Variants in CASD1 observed in about 807,000 individuals in gnomAD.
CASD1 encodes the protein CAS1 domain sialic acid O acetyltransferase 1.
CASD1 carries 41 observed loss-of-function variants against 100.0 expected under a neutral mutation model. The ratio of observed to expected loss-of-function variants is 0.41; its 90% confidence interval spans 0.32 to 0.53. The LOEUF (loss-of-function observed/expected upper bound fraction) is 0.53, where lower values mean the gene tolerates loss of function less well. Among genes scored for constraint, CASD1 ranks in the 20% least tolerant of loss-of-function variants. The pLI is 0.25. For synonymous variants in CASD1, 321 were observed against 315.6 expected (o/e 1.02, Z -0.18); for missense variants, 774 against 948.7 (o/e 0.82, Z 2.42).
In CASD1 at chr7:94,509,973, G is replaced by T; in HGVS notation, c.-112G>T. 1 of 1,233,072 alleles carries T rather than the reference G, an allele frequency of 8.1e-7. No homozygotes were observed. Among genetic ancestry groups the T allele is most frequent in the Non-Finnish European group, 1.0e-6 (1 of 979,060 alleles). 76.4% of individuals were successfully genotyped at this position (1,233,072 alleles called of 1,614,324 possible). On this transcript the variant is annotated 5_prime_UTR_variant, in exon 1 of 18. Coordinates refer to ENST00000297273, the MANE Select transcript of CASD1 (RefSeq NM_022900.5). ...CGGCGGGAGGCGCAGGTGGCGGCCTGGGGAGCTGGCGGCCGCTCCTCGCCT... is the reference window on the plus strand; with the variant it reads ...CGGCGGGAGGCGCAGGTGGCGGCCTTGGGAGCTGGCGGCCGCTCCTCGCCT...
chr7:94,576,510 A>C, the CASD1 span, among the ~76,000 whole-genome samples: 2 of 152,220 alleles, frequency 1.3e-5, no homozygotes, highest in Admixed American at 1.3e-4. Context: ...TGACTGGATA[A>C]GTTTATCCTA....
the CASD1 span, among the ~76,000 whole-genome samples, chr7:94,577,674 T>A: frequency 6.6e-6 from 1 of 152,202 alleles, no homozygotes; most frequent in Non-Finnish European, 1.5e-5. Flanking sequence ...TCTCATTCCC[T>A]AAGCTTTTCC....
At chr7:94,529,511 G>A (rs1426075293) in intron 5 of CASD1, among the ~76,000 whole-genome samples, 1 of 152,130 alleles carries the variant, frequency 6.6e-6, no homozygotes, top group African/African-American at 2.4e-5. Context: ...TTGATTAGTT[G>A]ATGGTTTTCA....
the CASD1 span, chr7:94,598,694 C>T: frequency 9.9e-7 from 1 of 1,006,404 alleles, no homozygotes; most frequent in Non-Finnish European, 1.6e-6. Context: ...ACAAACACAA[C>T]AACAGAAAGC....
the CASD1 span, among the ~76,000 whole-genome samples, chr7:94,569,775 T>C: frequency 1.3e-5 from 2 of 150,136 alleles, no homozygotes; most frequent in South Asian, 4.2e-4. Context: ...AGCATATCGT[T>C]GTATCATTAA....
chr7:94,552,324 A>G, intron 15 of CASD1, 26 bp from the exon 16 acceptor site: 2 of 1,577,984 alleles, frequency 1.3e-6, no homozygotes, highest in Non-Finnish European at 1.7e-6. Flanking sequence ...GCTTTTTTGA[A>G]CTTTTCCATA....
At chr7:94,582,024 C>T in the CASD1 span, among the ~76,000 whole-genome samples, 1 of 152,174 alleles carries the variant, frequency 6.6e-6, no homozygotes, top group African/African-American at 2.4e-5. Context: ...TCTCCACAAC[C>T]TTGCCAGCAT....
At chr7:94,584,804 A>G in the CASD1 span, among the ~76,000 whole-genome samples, 1 of 152,168 alleles carries the variant, frequency 6.6e-6, no homozygotes, top group African/African-American at 2.4e-5. Context: ...AGCAGTAACT[A>G]TTCTCTTTTT....
At chr7:94,513,527 CTT>C (rs1793825855) in intron 1 of CASD1, among the ~76,000 whole-genome samples, 1 of 152,122 alleles carries the variant, frequency 6.6e-6, no homozygotes, top group Non-Finnish European at 1.5e-5. Context: ...CCTGCAGTGA[CTT>C]CTCTCTTGAA....
the CASD1 span, among the ~76,000 whole-genome samples, chr7:94,570,602 C>T: frequency 5.9e-5 from 9 of 152,120 alleles, no homozygotes; most frequent in Non-Finnish European, 1.0e-4. Flanking sequence ...TCAAGTGATT[C>T]TCCTGCCCCA....
intron 6 of CASD1, 37 bp from the exon 7 acceptor site, chr7:94,533,642 A>G (rs762022612): frequency 2.7e-6 from 4 of 1,502,638 alleles, no homozygotes; most frequent in South Asian, 2.6e-5. Context: ...GTTTGTGATA[A>G]ATACTAAATT....
intron 5 of CASD1, among the ~76,000 whole-genome samples, chr7:94,528,907 T>C (rs1794711750): frequency 6.6e-6 from 1 of 152,166 alleles, no homozygotes; most frequent in Admixed American, 6.5e-5. Flanking sequence ...TTTATTGACC[T>C]TGTTTTGTTC....
the CASD1 span, chr7:94,618,441 G>C: frequency 4.0e-6 from 1 of 252,906 alleles, no homozygotes; most frequent in Non-Finnish European, 7.5e-6. Flanking sequence ...AATAACTGGG[G>C]CGTCAATTTC....
the CASD1 span, chr7:94,588,779 T>C: frequency 6.2e-7 from 1 of 1,611,862 alleles, no homozygotes; most frequent in Admixed American, 1.7e-5. Flanking sequence ...TTTACACACT[T>C]GTAAACAGAG....
chr7:94,510,050 G>C lies in CASD1; in HGVS notation c.-35G>C, dbSNP rs767746099. On this transcript the variant is annotated 5_prime_UTR_variant, in exon 1 of 18. Transcript: ENST00000297273. ...TGCCCCTGTGCGGCGCCCCTTTCCC[G>C]CTCCGCCGCGCACTGTTGTCATGGA... 3.0e-5 allele frequency: 44 copies of C among 1,473,608 alleles called. 1 individual carries two copies. The South Asian group carries it at 5.4e-4, about 18-fold the overall frequency. The allele number at this position is 1,473,608 out of a possible 1,614,324, so 91.3% of individuals were successfully genotyped here.
At chr7:94,582,403 G>A in the CASD1 span, among the ~76,000 whole-genome samples, 6 of 152,154 alleles carry the variant, frequency 3.9e-5, no homozygotes, top group African/African-American at 9.7e-5. Flanking sequence ...AATTACAGGC[G>A]TGAGCCACTG....
intron 1 of CASD1, among the ~76,000 whole-genome samples, chr7:94,512,108 T>A (rs989066067): frequency 6.6e-6 from 1 of 152,194 alleles, no homozygotes; most frequent in African/African-American, 2.4e-5. Context: ...TGCAATGCCC[T>A]TCACACAAAG....
chr7:94,601,609 G>T, the CASD1 span, among the ~76,000 whole-genome samples: 1 of 151,912 alleles, frequency 6.6e-6, no homozygotes, highest in Non-Finnish European at 1.5e-5. Flanking sequence ...TACTACATTT[G>T]CTACTAAAAT....
chr7:94,628,440 G>T, the CASD1 span: 1 of 1,269,280 alleles, frequency 7.9e-7, no homozygotes, highest in Non-Finnish European at 1.1e-6. Flanking sequence ...AAAACATTCT[G>T]TCTAAAATTT....
Sources: gnomAD v4.1 joint callset for allele counts (sites outside exome capture counted in the v4.1 genomes callset) on GRCh38, gnomAD v4.1.1 for gene constraint, MANE v1.5 for transcripts, NCBI Gene and HGNC (gene_info 2026-07-23, HGNC 2026-07-21) for gene names.